Variants in NAALADL2 observed in about 807,000 individuals in gnomAD.
The protein encoded by NAALADL2 is inactive N-acetylated-alpha-linked acidic dipeptidase-like protein 2.
NAALADL2 carries 76 observed loss-of-function variants against 87.2 expected under a neutral mutation model. The ratio of observed to expected loss-of-function variants is 0.87; its 90% CI spans 0.72 to 1.05. NAALADL2 has a LOEUF of 1.05. Among genes scored for constraint, NAALADL2 ranks in the 50% least tolerant of loss-of-function variants. The pLI is 0.00. For synonymous variants in NAALADL2, 354 were observed against 331.0 expected (o/e 1.07, Z -0.75); for missense variants, 1,089 against 945.8 (o/e 1.15, Z -1.99).
chr3:175,264,792 TATATA>T (rs1367857694), intron 4 of NAALADL2, among the ~76,000 whole-genome samples: 1 of 151,594 alleles, frequency 6.6e-6, no homozygotes. Context: ...GTGATGAAAT[TATATA>T]ATATTAGAAA....
At chr3:174,527,919 G>T (rs2108432817) in intron 1 of NAALADL2, among the ~76,000 whole-genome samples, 1 of 152,190 alleles carries the variant, frequency 6.6e-6, no homozygotes, top group Middle Eastern at 3.4e-3. Flanking sequence ...GGCAAATTAT[G>T]GTCCCCAGGC....
intron 9 of NAALADL2, among the ~76,000 whole-genome samples, chr3:175,529,293 C>T (rs536096442): frequency 3.0e-3 from 456 of 152,302 alleles, no homozygotes; most frequent in Non-Finnish European, 5.2e-3. Context: ...GTCCAGATGG[C>T]AATCTTAACT....
chr3:175,683,324 T>C (rs1735851424), intron 11 of NAALADL2, among the ~76,000 whole-genome samples: 1 of 152,000 alleles, frequency 6.6e-6, no homozygotes, highest in Non-Finnish European at 1.5e-5. Context: ...ATTTAGCACA[T>C]AGGTAAAGAT....
In NAALADL2 at chr3:175,193,387, C is replaced by T. The variant is rs1220697245; in HGVS notation, c.546-40544C>T. Among the ~76,000 whole-genome samples, 4 of 151,728 alleles carry T rather than the reference C, an allele frequency of 2.6e-5. No homozygotes were observed. In the East Asian group the frequency reaches 7.7e-4, roughly 29 times the overall value. ...ACACAACTATTCCTCTACACGGGCC[C>T]TTATGCATGTGTAATGGTCAGGAAG... On this transcript the variant is annotated intron_variant, in intron 2 of 13. Transcript: ENST00000454872.
chr3:175,561,068 C>G (rs1168494293), intron 9 of NAALADL2, among the ~76,000 whole-genome samples: 1 of 152,084 alleles, frequency 6.6e-6, no homozygotes, highest in African/African-American at 2.4e-5. Flanking sequence ...TGTCTAAGGC[C>G]TGCTATTGGG....
chr3:175,292,809 G>A (rs1393342358), intron 4 of NAALADL2, among the ~76,000 whole-genome samples: 1 of 151,746 alleles, frequency 6.6e-6, no homozygotes, highest in Non-Finnish European at 1.5e-5. Context: ...AGGCCGAGGT[G>A]GGTGGATCTC....
chr3:175,527,184 C>A (rs1733532929), intron 9 of NAALADL2, among the ~76,000 whole-genome samples: 1 of 152,086 alleles, frequency 6.6e-6, no homozygotes, highest in Admixed American at 6.6e-5. Context: ...TGTTTGCCCT[C>A]AAGTGAAATC....
chr3:175,122,516 C>A (rs1726306860), intron 2 of NAALADL2, among the ~76,000 whole-genome samples: 1 of 151,618 alleles, frequency 6.6e-6, no homozygotes, highest in Non-Finnish European at 1.5e-5. Flanking sequence ...AAGAAGATAA[C>A]TTATTGGCAT....
intron 11 of NAALADL2, among the ~76,000 whole-genome samples, chr3:175,667,167 A>G (rs1560942388): frequency 7.2e-6 from 1 of 139,844 alleles, no homozygotes; most frequent in East Asian, 2.1e-4. Context: ...AAGAAAAAGA[A>G]AGAAAGAAAG....
At chr3:175,458,926 A>C (rs4513459) in intron 6 of NAALADL2, among the ~76,000 whole-genome samples, 3 of 152,106 alleles carry the variant, frequency 2.0e-5, no homozygotes, top group African/African-American at 7.2e-5. Flanking sequence ...CTTTGCTTCA[A>C]TGGCTTATCT....
chr3:175,062,218 T>G (rs1168794534), intron 1 of NAALADL2, among the ~76,000 whole-genome samples: 2 of 152,154 alleles, frequency 1.3e-5, no homozygotes, highest in Non-Finnish European at 2.9e-5. Flanking sequence ...GAAGGAAAAC[T>G]GCAGGAGCTT....
intron 9 of NAALADL2, among the ~76,000 whole-genome samples, chr3:175,551,199 C>A (rs1242332575): frequency 6.6e-6 from 1 of 151,886 alleles, no homozygotes; most frequent in African/African-American, 2.4e-5. Context: ...TGATCTGAAC[C>A]AACCAATCAA....
intron 3 of NAALADL2, among the ~76,000 whole-genome samples, chr3:175,249,181 T>C (rs1279995874): frequency 6.6e-6 from 1 of 152,170 alleles, no homozygotes; most frequent in Non-Finnish European, 1.5e-5. Context: ...ATTTTCTTTA[T>C]TAATAAGGTA....
chr3:175,720,947 T>C (rs1742151826), intron 11 of NAALADL2, among the ~76,000 whole-genome samples: 1 of 152,150 alleles, frequency 6.6e-6, no homozygotes, highest in African/African-American at 2.4e-5. Flanking sequence ...AAATTGAATC[T>C]GTTATGATAA....
Position 175,637,692 on chromosome 3 carries a change from G to C in NAALADL2, c.1896+10306G>C, listed in dbSNP as rs1319444859. Among the ~76,000 whole-genome samples, 2 of 152,194 alleles carry C rather than the reference G, an allele frequency of 1.3e-5. 1 individual carries two copies. Among genetic ancestry groups the C allele is most frequent in the Non-Finnish European group, 2.9e-5 (2 of 68,034 alleles). ...AGCCTGAGGCTCTCAACCAGAAGCA[G>C]ACGCTGGTGCCATGCTTCTTGTACA... is the stretch of plus-strand genomic sequence containing the variant. On this transcript the variant is annotated intron_variant, in intron 11 of 13. Transcript: ENST00000454872.
At chr3:175,473,389 A>C (rs1274577238) in intron 9 of NAALADL2, among the ~76,000 whole-genome samples, 1 of 80,696 alleles carries the variant, frequency 1.2e-5, no homozygotes, top group Non-Finnish European at 3.2e-5. Context: ...ATGTGTATAG[A>C]AAATATTTTT....
chr3:175,166,774 A>G (rs1417564548), intron 2 of NAALADL2, among the ~76,000 whole-genome samples: 1 of 152,102 alleles, frequency 6.6e-6, no homozygotes, highest in Non-Finnish European at 1.5e-5. Flanking sequence ...TCATAAATAT[A>G]ACTACCTCTT....
chr3:175,799,681 TAAAACTAATATTTAGGGAAAC>T (rs1753903280), intron 13 of NAALADL2, among the ~76,000 whole-genome samples: 1 of 152,180 alleles, frequency 6.6e-6, no homozygotes, highest in Admixed American at 6.5e-5. Flanking sequence ...TTTTATGAAA[TAAAACTAATATTTAGGGAAAC>T]TTTCAATAAG....
chr3:174,578,739 AAC>A (rs1715825346), intron 2 of NAALADL2, among the ~76,000 whole-genome samples: 2 of 151,916 alleles, frequency 1.3e-5, no homozygotes, highest in African/African-American at 4.8e-5. Flanking sequence ...TAATTTCTTT[AAC>A]AGTCATATAA....
Sources: gnomAD v4.1 joint callset for allele counts (sites outside exome capture counted in the v4.1 genomes callset) on GRCh38, gnomAD v4.1.1 for gene constraint, MANE v1.5 for transcripts, NCBI Gene and HGNC (gene_info 2026-07-23, HGNC 2026-07-21) for gene names.